Variants in KCNAB1 observed in about 807,000 individuals in gnomAD.
KCNAB1 encodes potassium voltage-gated channel subfamily A regulatory beta subunit 1.
KCNAB1 carries 35 observed loss-of-function variants against 64.6 expected under a neutral mutation model. That is an observed-to-expected ratio of 0.54 (90% CI 0.41 to 0.72). The LOEUF is 0.72. Among genes scored for constraint, KCNAB1 ranks in the 30% least tolerant of loss-of-function variants. The pLI is 0.00. For synonymous variants in KCNAB1, 177 were observed against 183.8 expected (o/e 0.96, Z 0.30); for missense variants, 401 against 512.9 (o/e 0.78, Z 2.11).
intron 1 of KCNAB1, among the ~76,000 whole-genome samples, chr3:156,218,691 C>T (rs201782673): frequency 1.3e-5 from 2 of 151,318 alleles, no homozygotes; most frequent in East Asian, 3.9e-4. Flanking sequence ...GGCTGCAAGA[C>T]CTGAAGACAG....
chr3:156,342,611 T>TCA (rs1560206570), intron 1 of KCNAB1, among the ~76,000 whole-genome samples: 1 of 85,676 alleles, frequency 1.2e-5, no homozygotes, highest in African/African-American at 9.8e-5. Context: ...TTTTTTTAAT[T>TCA]TTTTTTTTTT....
At chr3:156,120,436 G>T, upstream of KCNAB1, 3 of 739,490 alleles carry the variant, frequency 4.1e-6, no homozygotes, top group Admixed American at 4.7e-5. Context: ...CACTAGGAAA[G>T]GTTAGAGATA....
intron 1 of KCNAB1, among the ~76,000 whole-genome samples, chr3:156,360,214 G>A (rs191918466): frequency 3.9e-5 from 6 of 151,988 alleles, no homozygotes; most frequent in African/African-American, 1.4e-4. Flanking sequence ...TCATTGCATC[G>A]AGCCTGAGTT....
rs1025703649 is a variant in KCNAB1 at position 156,129,003 on chromosome 3, T to A, written c.275+8117T>A. Among the ~76,000 whole-genome samples the A allele has an allele frequency of 2.0e-5, 3 of 151,102 alleles. No homozygotes were observed. The Admixed American group carries it at 2.0e-4, about 10-fold the overall frequency. The stretch of plus-strand genomic sequence containing the variant: ...ACTATTTCTTTCATCTCCTTCATAA[T>A]TATCAAGCATTTATAAAGCATCATG... On this transcript the variant is annotated intron_variant, in intron 1 of 13. Coordinates refer to ENST00000490337, the MANE Select transcript of KCNAB1 (RefSeq NM_172160.3).
rs1717472212 is a variant in KCNAB1 at position 156,515,157 on chromosome 3, G to A, written c.802G>A (p.Glu268Lys). ...NMIPPVCEQA[E>K]YHLFQREKVE... ...GATCCCACCGGTCTGTGAACAAGCT[G>A]AGTACCATCTTTTCCAGAGAGAGAA... The change falls in exon 10 of 14, where the codon GAG becomes AAG. Residue 268 changes from glutamate to lysine, a missense_variant. Physicochemically the swap from Glu to Lys is moderately conservative, Grantham distance 56 (BLOSUM62 1). Coordinates refer to ENST00000490337, the MANE Select transcript of KCNAB1 (RefSeq NM_172160.3). The A allele has an allele frequency of 6.2e-7, 1 of 1,613,290 alleles. No homozygotes were observed. Among genetic ancestry groups the A allele is most frequent in the South Asian group, 1.1e-5 (1 of 91,024 alleles).
intron 11 of KCNAB1, among the ~76,000 whole-genome samples, chr3:156,520,189 G>C (rs13097501): frequency 0.11 from 17,066 of 152,136 alleles, 938 homozygotes; most frequent in East Asian, 0.16. Flanking sequence ...AATCAATAAA[G>C]TCTGATCAAG....
intron 8 of KCNAB1, among the ~76,000 whole-genome samples, chr3:156,488,500 G>A (rs1456961173): frequency 6.6e-6 from 1 of 152,058 alleles, no homozygotes; most frequent in African/African-American, 2.4e-5. Context: ...TTTGAGGAAC[G>A]TCAAGGACAT....
At chr3:156,352,704 A>G (rs1724937276) in intron 1 of KCNAB1, among the ~76,000 whole-genome samples, 1 of 152,182 alleles carries the variant, frequency 6.6e-6, no homozygotes, top group African/African-American at 2.4e-5. Flanking sequence ...GGTCTTCTCC[A>G]TGTTCCTTTG....
chr3:156,141,401 C>T (rs1342312958), intron 1 of KCNAB1, among the ~76,000 whole-genome samples: 1 of 152,140 alleles, frequency 6.6e-6, no homozygotes, highest in South Asian at 2.1e-4. Context: ...TAGCCATCTT[C>T]TTCCCTTTTG....
chr3:156,388,040 A>G (rs79129936), intron 1 of KCNAB1, among the ~76,000 whole-genome samples: 2,110 of 152,324 alleles, frequency 0.014, 53 homozygotes, highest in South Asian at 0.098. Context: ...TAGAAAAGAC[A>G]TAAATGTCTT....
intron 6 of KCNAB1, among the ~76,000 whole-genome samples, chr3:156,464,419 A>C (rs13315136): frequency 0.14 from 21,761 of 152,114 alleles, 2,861 homozygotes; most frequent in African/African-American, 0.35. Context: ...AAACAGCAAG[A>C]TATTCCATAT....
At chr3:156,405,934 G>C (rs1714217274) in intron 1 of KCNAB1, among the ~76,000 whole-genome samples, 1 of 152,028 alleles carries the variant, frequency 6.6e-6, no homozygotes, top group South Asian at 2.1e-4. Flanking sequence ...AGAATTATCA[G>C]GTCTTGACTT....
At chr3:156,213,363 A>G (rs1249626299) in intron 1 of KCNAB1, among the ~76,000 whole-genome samples, 2 of 152,162 alleles carry the variant, frequency 1.3e-5, no homozygotes, top group African/African-American at 2.4e-5. Context: ...AACTAAAGGC[A>G]TGCATCACTA....
At chr3:156,273,208 T>G (rs1719134485) in intron 1 of KCNAB1, among the ~76,000 whole-genome samples, 1 of 151,998 alleles carries the variant, frequency 6.6e-6, no homozygotes, top group African/African-American at 2.4e-5. Flanking sequence ...AAGTACTCCC[T>G]TAGCTGCTCT....
intron 2 of KCNAB1, among the ~76,000 whole-genome samples, chr3:156,427,637 C>T (rs2108236184): frequency 6.6e-6 from 1 of 152,250 alleles, no homozygotes; most frequent in East Asian, 1.9e-4. Context: ...ATTGCTGAGG[C>T]CCAGCCCAGT....
chr3:156,191,350 A>T (rs1424017039), intron 1 of KCNAB1, among the ~76,000 whole-genome samples: 1 of 152,252 alleles, frequency 6.6e-6, no homozygotes, highest in Non-Finnish European at 1.5e-5. Context: ...TCCCAGGGCC[A>T]ATTTGCTTTA....
At chr3:156,432,144 T>C (rs1174628718) in intron 2 of KCNAB1, among the ~76,000 whole-genome samples, 1 of 152,186 alleles carries the variant, frequency 6.6e-6, no homozygotes, top group Non-Finnish European at 1.5e-5. Flanking sequence ...TATTCCTGGA[T>C]CTGGGATGCC....
intron 1 of KCNAB1, among the ~76,000 whole-genome samples, chr3:156,311,367 A>G (rs1413096802): frequency 6.6e-6 from 1 of 152,218 alleles, no homozygotes; most frequent in East Asian, 1.9e-4. Flanking sequence ...AGGCAAGAGT[A>G]TGTGTTGTGA....
chr3:156,119,704 A>G (rs780058883), upstream of KCNAB1, among the ~76,000 whole-genome samples: 4 of 152,182 alleles, frequency 2.6e-5, no homozygotes, highest in Non-Finnish European at 5.9e-5. Context: ...CACTGACATC[A>G]TTATCTCCTA....
Sources: allele counts gnomAD v4.1 joint callset (sites outside exome capture counted in the v4.1 genomes callset), GRCh38; gene constraint gnomAD v4.1.1; transcripts MANE v1.5; gene names NCBI Gene and HGNC (gene_info 2026-07-23, HGNC 2026-07-21).